The following DNM3 variants were observed in gnomAD, a reference collection of about 807,000 sequenced individuals.
The protein encoded by DNM3 is dynamin 3.
DNM3 carries 47 observed loss-of-function variants against 101.6 expected under a neutral mutation model. That is an observed-to-expected ratio of 0.46 (90% confidence interval 0.37 to 0.59). The LOEUF (loss-of-function observed/expected upper bound fraction) is 0.59. Ranked by LOEUF, DNM3 falls within the 20% of genes least tolerant of loss-of-function variation. The pLI is 0.00. For synonymous variants in DNM3, 385 were observed against 387.9 expected (o/e 0.99, Z 0.09); for missense variants, 849 against 1,085.7 (o/e 0.78, Z 3.06).
rs1214365632 is a variant in DNM3 at position 172,277,643 on chromosome 1, G to A, written c.1769+23961G>A. 2.0e-5 allele frequency among the ~76,000 whole-genome samples: 3 copies of A among 152,044 alleles called. No homozygotes were observed. The East Asian group carries it at 5.8e-4, about 29-fold the overall frequency. Reference sequence around the variant, plus strand: ...AGTTGCCAGTCAATTGCAAAAAAAGGTGTAATATAACCAGAAAAGATTCTG... The same window carrying A: ...AGTTGCCAGTCAATTGCAAAAAAAGATGTAATATAACCAGAAAAGATTCTG... On this transcript the variant is annotated intron_variant, in intron 15 of 20. Coordinates refer to ENST00000627582, the MANE Select transcript of DNM3 (RefSeq NM_015569.5).
intron 4 of DNM3, among the ~76,000 whole-genome samples, chr1:171,996,857 C>A (rs1266685402): frequency 6.6e-6 from 1 of 151,740 alleles, no homozygotes; most frequent in African/African-American, 2.4e-5. Flanking sequence ...GGTGAAACCC[C>A]GTCTGTTCAA....
rs568964431 is a variant in DNM3, at chr1:172,388,426, C to A, written c.2286-147C>A. The A allele has an allele frequency of 1.4e-5, 10 of 710,220 alleles. No homozygotes were observed. In the East Asian group the frequency reaches 2.7e-4, roughly 19 times the overall value. The allele number at this position is 710,220 out of a possible 1,614,324, so 44.0% of individuals were successfully genotyped here. ...GAAAACTTACTTTTCTCCATTTACC[C>A]TTTTATCCCTTTGACTTTCATGACA... On this transcript the variant is annotated intron_variant, in intron 19 of 20. Coordinates refer to ENST00000627582, the MANE Select transcript of DNM3 (RefSeq NM_015569.5).
At chr1:171,902,144 T>C (rs975390613) in intron 1 of DNM3, among the ~76,000 whole-genome samples, 17 of 152,272 alleles carry the variant, frequency 1.1e-4, no homozygotes, top group Admixed American at 3.9e-4. Flanking sequence ...ACATTAACTT[T>C]ATTAGCTTTT....
At chr1:172,207,538 A>G (rs1172972009) in intron 14 of DNM3, among the ~76,000 whole-genome samples, 1 of 152,090 alleles carries the variant, frequency 6.6e-6, no homozygotes, top group African/African-American at 2.4e-5. Context: ...CAGGACATGA[A>G]CTCTGCTTTC....
At chr1:172,324,241 T>C (rs565788391) in intron 17 of DNM3, among the ~76,000 whole-genome samples, 181 of 152,324 alleles carry the variant, frequency 1.2e-3, no homozygotes, top group African/African-American at 4.0e-3. Flanking sequence ...ACGGGCCTCA[T>C]TGAATACAAT....
Position 171,971,482 on chromosome 1 carries a change from G to C in DNM3, c.236-16174G>C, listed in dbSNP as rs145246237. On this transcript the variant is annotated intron_variant, in intron 2 of 20. Transcript: ENST00000627582. ...CAAGTTTGTCTTCTTTTCCAACTTT[G>C]GTAAGTTCTTCAATTATGAAATATA... 9.5e-3 allele frequency among the ~76,000 whole-genome samples: 1,449 copies of C among 152,010 alleles called. 22 individuals carry two copies. Among genetic ancestry groups the C allele is most frequent in the African/African-American group, 0.033 (1,366 of 41,494 alleles).
chr1:172,137,685 T>C (rs1040839893), intron 14 of DNM3: 1 of 152,194 alleles, frequency 6.6e-6, no homozygotes, highest in Non-Finnish European at 1.5e-5. Context: ...GTGTTACATT[T>C]TTTAAGCTTG....
chr1:171,941,850 TATGTATATAA>T (rs1421511669), intron 2 of DNM3, among the ~76,000 whole-genome samples: 27 of 152,328 alleles, frequency 1.8e-4, no homozygotes, highest in African/African-American at 5.8e-4. Context: ...TAACTTGTAA[TATGTATATAA>T]TAAAACTGAG....
chr1:171,990,246 C>G (rs542126050), intron 4 of DNM3, among the ~76,000 whole-genome samples: 1 of 152,062 alleles, frequency 6.6e-6, no homozygotes, highest in Admixed American at 6.5e-5. Flanking sequence ...TGTTAGAGAC[C>G]TTTTTCAAAT....
intron 4 of DNM3, among the ~76,000 whole-genome samples, chr1:171,995,096 G>GTTTTTTTTT (rs35925537): frequency 2.0e-5 from 1 of 49,636 alleles, no homozygotes; most frequent in Non-Finnish European, 3.7e-5. Flanking sequence ...TGAAATCCAG[G>GTTTTTTTTT]TTTTTTTTTT....
intron 9 of DNM3, among the ~76,000 whole-genome samples, chr1:172,045,059 A>C (rs2125847962): frequency 6.6e-6 from 1 of 152,190 alleles, no homozygotes; most frequent in Non-Finnish European, 1.5e-5. Flanking sequence ...GACCAAAGGC[A>C]AAGAGGTGAG....
chr1:172,249,154 C>T (rs2062071126), intron 14 of DNM3, among the ~76,000 whole-genome samples: 1 of 152,146 alleles, frequency 6.6e-6, no homozygotes, highest in Admixed American at 6.5e-5. Flanking sequence ...TCTGCTCATA[C>T]CCATTGTATC....
At chr1:171,896,155 G>T (rs887142826) in intron 1 of DNM3, among the ~76,000 whole-genome samples, 1 of 152,168 alleles carries the variant, frequency 6.6e-6, no homozygotes, top group Non-Finnish European at 1.5e-5. Context: ...CTTTAAAGTA[G>T]TTTTTTCCAA....
intron 17 of DNM3, among the ~76,000 whole-genome samples, chr1:172,358,673 C>G (rs1257750535): frequency 6.6e-6 from 1 of 152,110 alleles, no homozygotes. Context: ...GTGATCCAGC[C>G]TGGCTTTTAG....
chr1:172,398,300 G>A (rs1365290119), intron 20 of DNM3, among the ~76,000 whole-genome samples: 2 of 152,180 alleles, frequency 1.3e-5, no homozygotes, highest in East Asian at 1.9e-4. Context: ...TCTTCCTCTA[G>A]TTACTTATAT....
At chr1:172,215,750 G>C (rs1333981052) in intron 14 of DNM3, among the ~76,000 whole-genome samples, 3 of 151,956 alleles carry the variant, frequency 2.0e-5, no homozygotes, top group African/African-American at 7.2e-5. Flanking sequence ...CTAAGAGTTA[G>C]TCCCTGTGAC....
intron 14 of DNM3, among the ~76,000 whole-genome samples, chr1:172,243,049 C>A (rs960813056): frequency 1.3e-5 from 2 of 151,964 alleles, no homozygotes; most frequent in Non-Finnish European, 2.9e-5. Context: ...ATTATAATAT[C>A]ATAGTAGGTT....
At chr1:172,261,858 G>T (rs2062667085) in intron 15 of DNM3, among the ~76,000 whole-genome samples, 1 of 152,156 alleles carries the variant, frequency 6.6e-6, no homozygotes, top group African/African-American at 2.4e-5. Context: ...GTGGTCAACT[G>T]GCCTGGATGA....
intron 2 of DNM3, among the ~76,000 whole-genome samples, chr1:171,967,907 C>T (rs2043703298): frequency 6.6e-6 from 1 of 152,086 alleles, no homozygotes; most frequent in Admixed American, 6.6e-5. Context: ...TCATCTGGAC[C>T]CTCTTTGAGT....
Sources: allele counts gnomAD v4.1 joint callset (sites outside exome capture counted in the v4.1 genomes callset), GRCh38; gene constraint gnomAD v4.1.1; transcripts MANE v1.5; gene names NCBI Gene and HGNC (gene_info 2026-07-23, HGNC 2026-07-21).